B3GAT2: variants seen among roughly 807,000 people sequenced by gnomAD.
B3GAT2 encodes the protein beta-1,3-glucuronyltransferase 2, also known as galactosylgalactosylxylosylprotein 3-beta-glucuronosyltransferase 2.
B3GAT2 carries 26 observed loss-of-function variants against 27.8 expected under a neutral mutation model. That is an observed-to-expected ratio of 0.93 (90% CI 0.68 to 1.30). The LOEUF (loss-of-function observed/expected upper bound fraction) is 1.30. Ranked by LOEUF, B3GAT2 falls within the 50% of genes most tolerant of loss-of-function variation. The pLI is 0.00. For missense variants in B3GAT2, 458 were observed against 459.0 expected (o/e 1.00, Z 0.02); for synonymous variants, 218 against 195.1 (o/e 1.12, Z -0.98).
intron 1 of B3GAT2, among the ~76,000 whole-genome samples, chr6:70,944,516 G>T (rs1212196242): frequency 6.6e-6 from 1 of 152,228 alleles, no homozygotes; most frequent in Non-Finnish European, 1.5e-5. Context: ...CGAGGCTGGG[G>T]GAGGGGTGCC....
intron 1 of B3GAT2, among the ~76,000 whole-genome samples, chr6:70,909,281 A>G (rs937746522): frequency 3.9e-5 from 6 of 152,220 alleles, no homozygotes; most frequent in Admixed American, 3.9e-4. Context: ...AACAAAATGA[A>G]TAAAGAAACA....
chr6:70,859,025 C>T lies in B3GAT2; in HGVS notation c.*2638G>A, dbSNP rs1771572779. On this transcript the variant is annotated 3_prime_UTR_variant, in exon 4 of 4. Coordinates refer to ENST00000230053, the MANE Select transcript of B3GAT2 (RefSeq NM_080742.3). ...CCCACTCTTCTTCCTTTTACACTTC[C>T]CATTGATGTTCCTCCAGCATTTTGG... 4.8e-6 allele frequency: 1 copy of T among 209,562 alleles called. No individual in the cohort carries two copies. The highest frequency in any genetic ancestry group is 2.3e-5 in the African/African-American group (1 of 43,294). 13.0% of individuals were successfully genotyped at this position (209,562 alleles called of 1,614,324 possible).
chr6:70,915,582 A>G (rs140004651), intron 1 of B3GAT2, among the ~76,000 whole-genome samples: 1 of 152,268 alleles, frequency 6.6e-6, no homozygotes, highest in East Asian at 1.9e-4. Flanking sequence ...TAATTTTTGT[A>G]TAAGGTGTAA....
In B3GAT2 at chr6:70,956,806, G is replaced by A; in HGVS notation, c.-377C>T. On this transcript the variant is annotated 5_prime_UTR_variant, in exon 1 of 4. Coordinates refer to ENST00000230053, the MANE Select transcript of B3GAT2 (RefSeq NM_080742.3). ...AGTGGAAGCCGAGAAGCGGCACCCGGTGCGCCTCGCCGCTCCAGTCCGGCG... is the reference window on the plus strand; with the variant it reads ...AGTGGAAGCCGAGAAGCGGCACCCGATGCGCCTCGCCGCTCCAGTCCGGCG... The A allele has an allele frequency of 9.3e-7, 1 of 1,076,176 alleles. No individual in the cohort carries two copies. Among genetic ancestry groups the A allele is most frequent in the East Asian group, 9.0e-5 (1 of 11,110 alleles). The allele number at this position is 1,076,176 out of a possible 1,614,324, so 66.7% of individuals were successfully genotyped here.
chr6:70,879,774 G>A (rs1322565998), intron 2 of B3GAT2, among the ~76,000 whole-genome samples: 2 of 152,214 alleles, frequency 1.3e-5, no homozygotes, highest in Admixed American at 6.5e-5. Flanking sequence ...GAGGCAGGTG[G>A]GTTGAGGAAA....
Position 70,857,823 on chromosome 6 carries a change from C to T in B3GAT2, c.*3840G>A. ...AGCCAAACTGGAATTAAAATGTTTG[C>T]TGTGAGTAGTTCAGAAAGGCAATTT... On this transcript the variant is annotated 3_prime_UTR_variant, in exon 4 of 4. Coordinates refer to ENST00000230053, the MANE Select transcript of B3GAT2 (RefSeq NM_080742.3). 1 of 1,314,644 alleles carries T rather than the reference C, an allele frequency of 7.6e-7. No individual in the cohort carries two copies. The highest frequency in any genetic ancestry group is 1.1e-6 in the Non-Finnish European group (1 of 951,020). 81.4% of individuals were successfully genotyped at this position (1,314,644 alleles called of 1,614,324 possible). A position where few individuals can be genotyped will look rare whatever the true frequency, so the allele number is the denominator to read the frequency against.
chr6:70,953,173 T>G (rs1765601318), intron 1 of B3GAT2, among the ~76,000 whole-genome samples: 1 of 152,262 alleles, frequency 6.6e-6, no homozygotes, highest in Non-Finnish European at 1.5e-5. Flanking sequence ...CTGAGATATA[T>G]GCCTCAGCCC....
chr6:70,863,059 T>G (rs1005642013), intron 2 of B3GAT2, among the ~76,000 whole-genome samples: 4 of 152,204 alleles, frequency 2.6e-5, no homozygotes, highest in African/African-American at 9.7e-5. Flanking sequence ...CTACAATTGT[T>G]TTTGCCATCT....
intron 2 of B3GAT2, among the ~76,000 whole-genome samples, chr6:70,876,682 T>A (rs892611800): frequency 6.6e-6 from 1 of 152,204 alleles, no homozygotes; most frequent in Non-Finnish European, 1.5e-5. Flanking sequence ...ATCTTTCATT[T>A]TTCATCTTCC....
Position 70,860,189 on chromosome 6 carries a change from A to G in B3GAT2, c.*1474T>C. ...AAGCCTCTTGAACTAAGCCTTTTAT[A>G]TGTTTCACAGATGAATCAGCAGATG... On this transcript the variant is annotated 3_prime_UTR_variant, in exon 4 of 4. Transcript: ENST00000230053. The G allele has an allele frequency of 6.2e-7, 1 of 1,600,208 alleles. No individual in the cohort carries two copies. The highest frequency in any genetic ancestry group is 1.8e-5 in the Admixed American group (1 of 56,714).
intron 2 of B3GAT2, among the ~76,000 whole-genome samples, chr6:70,876,907 A>G (rs1772023291): frequency 6.6e-6 from 1 of 152,230 alleles, no homozygotes. Context: ...CTATCTGACT[A>G]GAATGAGTAA....
intron 1 of B3GAT2, among the ~76,000 whole-genome samples, chr6:70,953,060 A>G (rs1765599825): frequency 6.6e-6 from 1 of 152,252 alleles, no homozygotes; most frequent in Non-Finnish European, 1.5e-5. Context: ...CATGGAAATT[A>G]GAAGCACCAT....
intron 2 of B3GAT2, among the ~76,000 whole-genome samples, chr6:70,875,300 T>A (rs911726653): frequency 6.6e-6 from 1 of 152,172 alleles, no homozygotes; most frequent in African/African-American, 2.4e-5. Context: ...CCCTGTACTT[T>A]CCAGCCCTGG....
rs113650303 is a variant in B3GAT2 at position 70,927,553 on chromosome 6, C to G, written c.591+28286G>C. On this transcript the variant is annotated intron_variant, in intron 1 of 3. Transcript: ENST00000230053. ...AGTCTCTGCTAAAACAGACTTTAAA[C>G]CAACAAAGATCAAAAGAGACAAAGA... is the stretch of plus-strand genomic sequence containing the variant. Among the ~76,000 whole-genome samples the G allele has an allele frequency of 3.1e-3, 470 of 152,218 alleles. 6 individuals are homozygous for G. The highest frequency in any genetic ancestry group is 0.01 in the African/African-American group (433 of 41,512).
chr6:70,869,937 T>G (rs567323717), intron 2 of B3GAT2, among the ~76,000 whole-genome samples: 1 of 152,234 alleles, frequency 6.6e-6, no homozygotes, highest in South Asian at 2.1e-4. Context: ...TTTTACACTG[T>G]TGGTGGGACT....
chr6:70,902,236 A>G (rs1335353901), intron 1 of B3GAT2, among the ~76,000 whole-genome samples: 2 of 152,292 alleles, frequency 1.3e-5, no homozygotes, highest in East Asian at 1.9e-4. Context: ...CCTCCTACAT[A>G]TAGTCAGTCG....
Position 70,857,613 on chromosome 6 carries a change from A to C in B3GAT2, c.*4050T>G. On this transcript the variant is annotated 3_prime_UTR_variant, in exon 4 of 4. Transcript: ENST00000230053. ...TGGGGGACCAGTGGTACAAATCAGC[A>C]ATAAAACAGTGTATGATGTCATGCT... The C allele has an allele frequency of 3.2e-6, 1 of 313,204 alleles. No homozygotes were observed. The highest frequency in any genetic ancestry group is 2.2e-5 in the African/African-American group (1 of 46,434). The allele number at this position is 313,204 out of a possible 1,614,324, so 19.4% of individuals were successfully genotyped here.
intron 2 of B3GAT2, among the ~76,000 whole-genome samples, chr6:70,873,996 C>A (rs1771976720): frequency 6.6e-6 from 1 of 152,068 alleles, no homozygotes; most frequent in Admixed American, 6.6e-5. Flanking sequence ...TTAGTGGACT[C>A]CATATATTTA....
intron 1 of B3GAT2, among the ~76,000 whole-genome samples, chr6:70,937,682 G>T (rs1765315358): frequency 6.6e-6 from 1 of 151,626 alleles, no homozygotes; most frequent in Non-Finnish European, 1.5e-5. Flanking sequence ...TGCAGAAAAG[G>T]CCTTTGACAA....
Sources: allele counts gnomAD v4.1 joint callset (sites outside exome capture counted in the v4.1 genomes callset), GRCh38; gene constraint gnomAD v4.1.1; transcripts MANE v1.5; gene names NCBI Gene and HGNC (gene_info 2026-07-23, HGNC 2026-07-21).